NPAS3: variants seen among roughly 807,000 people sequenced by gnomAD.
NPAS3 encodes the protein neuronal PAS domain-containing protein 3.
NPAS3 carries 14 observed loss-of-function variants against 73.1 expected under a neutral mutation model. That is an observed-to-expected ratio of 0.19 (90% confidence interval 0.13 to 0.30). The LOEUF (loss-of-function observed/expected upper bound fraction) is 0.30, where lower values mean the gene tolerates loss of function less well. NPAS3 is among the 10% of genes least tolerant of loss of function. NPAS3 has a pLI of 1.00. For synonymous variants in NPAS3, 620 were observed against 541.5 expected (o/e 1.14, Z -2.01); for missense variants, 1,096 against 1,250.0 (o/e 0.88, Z 1.86).
intron 5 of NPAS3, among the ~76,000 whole-genome samples, chr14:33,586,249 G>A (rs553604073): frequency 7.8e-6 from 1 of 128,448 alleles, no homozygotes; most frequent in South Asian, 2.6e-4. Context: ...ATGTTTTATT[G>A]ACTGTTTCAT....
At position 33,154,305 on chromosome 14, in the gene NPAS3, C is replaced by T. The variant is rs565681318; in HGVS notation, c.141-60877C>T. Among the ~76,000 whole-genome samples, 10 of 152,304 alleles carry T rather than the reference C, an allele frequency of 6.6e-5. No homozygotes were observed. The East Asian group carries it at 1.2e-3, about 18-fold the overall frequency. ...TTCATGAGTTTGTTGTTGCTTTATGCTTCTGACTATACCTTCCCTTAACTC... is the reference window on the plus strand; with the variant it reads ...TTCATGAGTTTGTTGTTGCTTTATGTTTCTGACTATACCTTCCCTTAACTC... On this transcript the variant is annotated intron_variant, in intron 2 of 11. Transcript: ENST00000356141.
intron 2 of NPAS3, among the ~76,000 whole-genome samples, chr14:33,105,322 C>T (rs1192469603): frequency 6.6e-6 from 1 of 152,120 alleles, no homozygotes; most frequent in African/African-American, 2.4e-5. Flanking sequence ...CTATTCACTC[C>T]ATTTTAAAGA....
At chr14:33,223,127 T>A (rs2139722110) in intron 3 of NPAS3, among the ~76,000 whole-genome samples, 1 of 152,108 alleles carries the variant, frequency 6.6e-6, no homozygotes, top group African/African-American at 2.4e-5. Flanking sequence ...CTGGCCAACA[T>A]GGTGAAACTC....
At chr14:33,064,469 G>A (rs991348212) in intron 2 of NPAS3, among the ~76,000 whole-genome samples, 2 of 152,100 alleles carry the variant, frequency 1.3e-5, no homozygotes, top group African/African-American at 4.8e-5. Context: ...CCTTGGATTT[G>A]TGTTACCTTG....
chr14:33,692,836 TAAAAAAAAAA>T (rs34684535), intron 6 of NPAS3, among the ~76,000 whole-genome samples: 1,203 of 64,070 alleles, frequency 0.019, 31 homozygotes, highest in African/African-American at 0.065. Flanking sequence ...CCCAATGTCT[TAAAAAAAAAA>T]AAAAAAAAAA....
chr14:33,652,920 A>T lies in NPAS3; in HGVS notation c.559-23291A>T, dbSNP rs1037765388. Among the ~76,000 whole-genome samples the T allele has an allele frequency of 1.7e-4, 26 of 152,160 alleles. 1 individual carries two copies. The highest frequency in any genetic ancestry group is 1.0e-3 in the South Asian group (5 of 4,828). On this transcript the variant is annotated intron_variant, in intron 5 of 11. Transcript: ENST00000356141. ...TCTCACCCCCGTGACCTTGGACAGC[A>T]ATCCAATTTAGGTTTCCAAAGTGAA... is the stretch of plus-strand genomic sequence containing the variant.
chr14:33,709,369 G>A (rs1306915420), intron 6 of NPAS3, among the ~76,000 whole-genome samples: 2 of 152,144 alleles, frequency 1.3e-5, no homozygotes, highest in Non-Finnish European at 2.9e-5. Flanking sequence ...ATCACAGGAT[G>A]CCAGGAGAGG....
intron 6 of NPAS3, among the ~76,000 whole-genome samples, chr14:33,703,779 G>A (rs563671614): frequency 2.6e-5 from 4 of 152,080 alleles, no homozygotes; most frequent in African/African-American, 9.6e-5. Context: ...TTTGAGGTAG[G>A]AACTATTATT....
intron 5 of NPAS3, among the ~76,000 whole-genome samples, chr14:33,601,938 C>A (rs2057411155): frequency 6.6e-6 from 1 of 152,086 alleles, no homozygotes; most frequent in Non-Finnish European, 1.5e-5. Context: ...AAACTGATTT[C>A]CAAGCTACTA....
At chr14:33,711,623 C>G (rs184013872) in intron 6 of NPAS3, among the ~76,000 whole-genome samples, 3 of 152,236 alleles carry the variant, frequency 2.0e-5, no homozygotes, top group East Asian at 3.9e-4. Flanking sequence ...ATGACAGGAC[C>G]TAGATATGGT....
At chr14:33,147,740 T>A (rs1392048858) in intron 2 of NPAS3, among the ~76,000 whole-genome samples, 23 of 143,698 alleles carry the variant, frequency 1.6e-4, no homozygotes, top group African/African-American at 5.3e-4. Context: ...AATATATATA[T>A]ATATATATAT....
chr14:33,095,880 G>T (rs1342840305), intron 2 of NPAS3, among the ~76,000 whole-genome samples: 1 of 151,434 alleles, frequency 6.6e-6, no homozygotes, highest in Non-Finnish European at 1.5e-5. Context: ...CACCGTGTTT[G>T]CCAGGATGGT....
upstream of NPAS3, chr14:32,939,279 G>T: frequency 1.4e-6 from 1 of 701,586 alleles, no homozygotes; most frequent in Non-Finnish European, 2.5e-6. Context: ...AGGGGGGAGA[G>T]AGGCAAAAAG....
At chr14:32,990,203 G>C (rs1032949782) in intron 1 of NPAS3, among the ~76,000 whole-genome samples, 3 of 152,164 alleles carry the variant, frequency 2.0e-5, no homozygotes, top group African/African-American at 7.2e-5. Flanking sequence ...GATATTTGCA[G>C]ACTAATCCAG....
At chr14:32,939,468 G>GCCGCGAGC (rs1182246999) in intron 1 of NPAS3, 102 bp downstream of exon 1, 2 of 290,316 alleles carry the variant, frequency 6.9e-6, no homozygotes, top group African/African-American at 2.3e-5. Context: ...CGCCTCCTGG[G>GCCGCGAGC]CCGCGAGCCC....
chr14:33,280,549 T>C (rs1338590525), intron 3 of NPAS3, among the ~76,000 whole-genome samples: 1 of 152,072 alleles, frequency 6.6e-6, no homozygotes, highest in African/African-American at 2.4e-5. Flanking sequence ...TCTTTATCTA[T>C]GAAATAGAAA....
At chr14:33,417,460 A>G (rs1327049645) in intron 4 of NPAS3, among the ~76,000 whole-genome samples, 3 of 152,216 alleles carry the variant, frequency 2.0e-5, no homozygotes, top group South Asian at 4.1e-4. Flanking sequence ...TGAATTTGCC[A>G]TTCCAACTCT....
intron 3 of NPAS3, among the ~76,000 whole-genome samples, chr14:33,244,693 C>A (rs2048320822): frequency 6.6e-6 from 1 of 152,044 alleles, no homozygotes; most frequent in Admixed American, 6.6e-5. Context: ...ACTCTTTTGA[C>A]CGGTTCTCTA....
intron 1 of NPAS3, among the ~76,000 whole-genome samples, chr14:33,052,344 C>T (rs192111418): frequency 6.6e-6 from 1 of 152,128 alleles, no homozygotes; most frequent in African/African-American, 2.4e-5. Flanking sequence ...AATAACTACC[C>T]TACCACCCCC....
Sources: allele counts gnomAD v4.1 joint callset (sites outside exome capture counted in the v4.1 genomes callset), GRCh38; gene constraint gnomAD v4.1.1; transcripts MANE v1.5; gene names NCBI Gene and HGNC (gene_info 2026-07-23, HGNC 2026-07-21).